RPS6KA2: variants seen among roughly 807,000 people sequenced by gnomAD.
RPS6KA2 encodes ribosomal protein S6 kinase A2.
In RPS6KA2, 42 loss-of-function variants were observed where a neutral mutation model predicts 91.8. The ratio of observed to expected loss-of-function variants is 0.46; its 90% CI spans 0.36 to 0.59. The LOEUF (loss-of-function observed/expected upper bound fraction) is 0.59, where lower values mean the gene tolerates loss of function less well. Ranked by LOEUF, RPS6KA2 falls within the 20% of genes least tolerant of loss-of-function variation. The probability of loss-of-function intolerance (pLI) is 0.00; values close to 1 mark genes in which losing one functional copy is unlikely to be tolerated. For synonymous variants in RPS6KA2, 414 were observed against 393.6 expected (o/e 1.05, Z -0.61); for missense variants, 798 against 978.5 (o/e 0.82, Z 2.46).
At chr6:166,536,166 A>G (rs756094637) in intron 2 of RPS6KA2, among the ~76,000 whole-genome samples, 19 of 152,348 alleles carry the variant, frequency 1.2e-4, no homozygotes, top group Admixed American at 2.6e-4. Flanking sequence ...ACAGGCAACT[A>G]TGAGCCCTGT....
Position 166,434,158 on chromosome 6 carries a change from T to C in RPS6KA2, c.1333-1668A>G, listed in dbSNP as rs1329302426. Among the ~76,000 whole-genome samples, 1 of 152,210 alleles carries C rather than the reference T, an allele frequency of 6.6e-6. No homozygotes were observed. Among genetic ancestry groups the C allele is most frequent in the East Asian group, 1.9e-4 (1 of 5,202 alleles). On this transcript the variant is annotated intron_variant, in intron 14 of 20. Coordinates refer to ENST00000265678, the MANE Select transcript of RPS6KA2 (RefSeq NM_021135.6). This position sits in a 1 kb window ranked among gnomAD's most constrained non-coding sequence, Gnocchi z 4.4. Reference sequence around the variant, plus strand: ...CTTCGTCCACTCCCCGTCACCGTTATAAAAACTCACCATAGTGCCAGTTCT... The same window carrying C: ...CTTCGTCCACTCCCCGTCACCGTTACAAAAACTCACCATAGTGCCAGTTCT...
At chr6:166,610,784 T>C (rs1375412349) in intron 1 of RPS6KA2, among the ~76,000 whole-genome samples, 3 of 152,260 alleles carry the variant, frequency 2.0e-5, no homozygotes, top group Non-Finnish European at 2.9e-5. Context: ...AATATATGCA[T>C]ATACAATTAT....
intron 2 of RPS6KA2, among the ~76,000 whole-genome samples, chr6:166,698,564 CT>C (rs1382955491): frequency 3.9e-5 from 6 of 152,208 alleles, no homozygotes; most frequent in Non-Finnish European, 8.8e-5. Flanking sequence ...TTCCCAGCAA[CT>C]GTCAGGTATT....
At chr6:166,591,998 T>G (rs970381369) in intron 1 of RPS6KA2, among the ~76,000 whole-genome samples, 1 of 152,110 alleles carries the variant, frequency 6.6e-6, no homozygotes, top group Non-Finnish European at 1.5e-5. Context: ...CACTCAGAGC[T>G]TAGACAATGA....
intron 10 of RPS6KA2, among the ~76,000 whole-genome samples, chr6:166,482,613 G>A (rs1781270009): frequency 1.3e-5 from 2 of 152,224 alleles, no homozygotes; most frequent in African/African-American, 2.4e-5. Context: ...TTCTGGCTGC[G>A]ATCACAGAAG....
chr6:166,592,532 G>A (rs894818094), intron 1 of RPS6KA2, among the ~76,000 whole-genome samples: 2 of 152,146 alleles, frequency 1.3e-5, no homozygotes, highest in African/African-American at 2.4e-5. Flanking sequence ...GTCAGTGTTG[G>A]TGACCATTCT....
intron 17 of RPS6KA2, among the ~76,000 whole-genome samples, chr6:166,421,759 C>T (rs568392792): frequency 1.3e-5 from 2 of 152,222 alleles, no homozygotes; most frequent in Admixed American, 1.3e-4. Context: ...GTTAATCTGT[C>T]TTTTGTTACA....
intron 2 of RPS6KA2, among the ~76,000 whole-genome samples, chr6:166,723,724 G>A (rs1356859587): frequency 7.7e-6 from 1 of 129,846 alleles, no homozygotes; most frequent in Non-Finnish European, 1.5e-5. Flanking sequence ...TTTTTGAGAT[G>A]GAGTCTCATT....
upstream of RPS6KA2, among the ~76,000 whole-genome samples, chr6:166,629,161 C>G (rs985999204): frequency 1.3e-5 from 2 of 152,178 alleles, no homozygotes; most frequent in African/African-American, 4.8e-5. Context: ...ACACAGACTC[C>G]GGGAATGAGG....
chr6:166,572,779 G>A (rs923680250), intron 1 of RPS6KA2, among the ~76,000 whole-genome samples: 3 of 152,342 alleles, frequency 2.0e-5, no homozygotes, highest in Middle Eastern at 3.4e-3. Flanking sequence ...CGGAGCCCGC[G>A]TCACTAGCAA....
At chr6:166,727,877 A>G (rs967852362) in intron 2 of RPS6KA2, among the ~76,000 whole-genome samples, 1 of 148,840 alleles carries the variant, frequency 6.7e-6, no homozygotes, top group Non-Finnish European at 1.5e-5. Context: ...CAGCTTCAGG[A>G]GCCGAGCACC....
rs140122356 is a variant in RPS6KA2, at chr6:166,488,858, G to A, written c.882C>T (p.Phe294=). The A allele has an allele frequency of 2.5e-6, 4 of 1,613,488 alleles. No individual in the cohort carries two copies. In the African/African-American group the frequency reaches 4.0e-5, roughly 16 times the overall value. ...GEAQSLLRAL[F]KRNPCNRLGA... ...CCAGCCGGTTGCAGGGGTTCCGTTT[G>A]AAGAGAGCTCGCAGCAAACTCTGTG... The change falls in exon 10 of 21, where the codon TTC becomes TTT. Residue 294 remains phenylalanine, a synonymous_variant. Transcript: ENST00000265678.
rs1332245406 is a variant in RPS6KA2, at chr6:166,821,855, C to T, written c.123+36345G>A. ...AAGTTAACGTTGTTGTGTTGGATTCCCCACTCAGACACGCTCTTCTCTCCT... is the reference window on the plus strand; with the variant it reads ...AAGTTAACGTTGTTGTGTTGGATTCTCCACTCAGACACGCTCTTCTCTCCT... On this transcript the variant is annotated intron_variant, in intron 2 of 21. Coordinates refer to the RPS6KA2 transcript ENST00000503859. This position sits in a 1 kb window ranked among gnomAD's most constrained non-coding sequence, Gnocchi z 4.1. 6.6e-6 allele frequency among the ~76,000 whole-genome samples: 1 copy of T among 152,094 alleles called. No individual in the cohort carries two copies. Among genetic ancestry groups the T allele is most frequent in the African/African-American group, 2.4e-5 (1 of 41,412 alleles).
At chr6:166,422,179 C>T (rs1435123469) in intron 17 of RPS6KA2, among the ~76,000 whole-genome samples, 2 of 152,202 alleles carry the variant, frequency 1.3e-5, no homozygotes, top group South Asian at 2.1e-4. Flanking sequence ...GGATTACAGG[C>T]GTGAGCCACC....
chr6:166,701,024 G>C (rs1028820020), intron 2 of RPS6KA2: 7 of 1,179,306 alleles, frequency 5.9e-6, no homozygotes, highest in Middle Eastern at 2.8e-4. Flanking sequence ...GGGGGTCAGC[G>C]CCTGTCTGTT....
In RPS6KA2 at chr6:166,532,932, G is replaced by A. The variant is rs967234544; in HGVS notation, c.217-1619C>T. The stretch of plus-strand genomic sequence containing the variant: ...GCGATAGCTGGGGCATCACCCTTAC[G>A]CACACTGTGGTGGGAGACACAGGCA... On this transcript the variant is annotated intron_variant, in intron 2 of 20. Coordinates refer to ENST00000265678, the MANE Select transcript of RPS6KA2 (RefSeq NM_021135.6). Among the ~76,000 whole-genome samples, 5 of 152,042 alleles carry A rather than the reference G, an allele frequency of 3.3e-5. No homozygotes were observed. The East Asian group carries it at 5.8e-4, about 18-fold the overall frequency.
chr6:166,567,555 G>A (rs1273158612), intron 1 of RPS6KA2, among the ~76,000 whole-genome samples: 5 of 152,312 alleles, frequency 3.3e-5, no homozygotes, highest in Admixed American at 6.5e-5. Flanking sequence ...AACACATCAC[G>A]GTACCAGGTT....
intron 3 of RPS6KA2, among the ~76,000 whole-genome samples, chr6:166,519,372 T>C (rs114169355): frequency 4.2e-4 from 64 of 152,334 alleles, no homozygotes; most frequent in African/African-American, 1.5e-3. Flanking sequence ...GAATAAATGT[T>C]CTCGGCTATC....
At chr6:166,776,226 G>C (rs1185820531) in intron 2 of RPS6KA2, among the ~76,000 whole-genome samples, 3 of 152,166 alleles carry the variant, frequency 2.0e-5, no homozygotes, top group South Asian at 2.1e-4. Flanking sequence ...CACTAGAAGT[G>C]GTGGATAAAA....
Sources: allele counts gnomAD v4.1 joint callset (sites outside exome capture counted in the v4.1 genomes callset), GRCh38; gene constraint gnomAD v4.1.1; non-coding constraint Gnocchi (gnomAD v3.1); transcripts MANE v1.5; gene names NCBI Gene and HGNC (gene_info 2026-07-23, HGNC 2026-07-21).